The following CSMD1 variants were observed in gnomAD, a reference collection of about 807,000 sequenced individuals.
CSMD1 encodes the protein CUB and Sushi multiple domains 1.
CSMD1 carries 213 observed loss-of-function variants against 417.5 expected under a neutral mutation model. The ratio of observed to expected loss-of-function variants is 0.51; its 90% CI spans 0.46 to 0.57. The LOEUF is 0.57. Among genes scored for constraint, CSMD1 ranks in the 20% least tolerant of loss-of-function variants. CSMD1 has a pLI of 0.00. For synonymous variants in CSMD1, 2,862 were observed against 1,736.8 expected (o/e 1.65, Z -16.11); for missense variants, 6,923 against 4,529.7 (o/e 1.53, Z -15.17).
chr8:4,878,316 C>T (rs1803177709), intron 1 of CSMD1, among the ~76,000 whole-genome samples: 1 of 152,060 alleles, frequency 6.6e-6, no homozygotes, highest in Non-Finnish European at 1.5e-5. Flanking sequence ...TAGAACTCAT[C>T]TTTCTGCAGA....
chr8:4,090,006 G>C (rs1012288000), intron 3 of CSMD1, among the ~76,000 whole-genome samples: 2 of 152,140 alleles, frequency 1.3e-5, no homozygotes, highest in Non-Finnish European at 2.9e-5. Flanking sequence ...TTCTCTACTA[G>C]CCTGTTTTGT....
chr8:4,389,970 T>C (rs1179189587), intron 3 of CSMD1, among the ~76,000 whole-genome samples: 4 of 152,234 alleles, frequency 2.6e-5, no homozygotes, highest in African/African-American at 9.6e-5. Context: ...CATGATGTAC[T>C]TGCTCATCAT....
chr8:4,440,667 G>C (rs1162611102), intron 2 of CSMD1, among the ~76,000 whole-genome samples: 1 of 152,168 alleles, frequency 6.6e-6, no homozygotes, highest in South Asian at 2.1e-4. Flanking sequence ...TGTGCTGCTT[G>C]AGAATTTTAT....
intron 1 of CSMD1, among the ~76,000 whole-genome samples, chr8:4,652,773 C>T (rs1454809089): frequency 6.6e-6 from 1 of 152,118 alleles, no homozygotes; most frequent in Non-Finnish European, 1.5e-5. Context: ...TTGTGGAAGA[C>T]AATTTTTCTG....
chr8:4,855,353 G>A (rs937382155), intron 1 of CSMD1, among the ~76,000 whole-genome samples: 1 of 152,152 alleles, frequency 6.6e-6, no homozygotes, highest in Non-Finnish European at 1.5e-5. Context: ...AAAAAGCAGA[G>A]CGCCTCTCCT....
chr8:3,793,877 C>T (rs1331982532), intron 5 of CSMD1, among the ~76,000 whole-genome samples: 1 of 152,118 alleles, frequency 6.6e-6, no homozygotes, highest in Non-Finnish European at 1.5e-5. Flanking sequence ...CGCTGATGGA[C>T]CATTTGTCAA....
intron 3 of CSMD1, among the ~76,000 whole-genome samples, chr8:4,298,091 G>A (rs191466932): frequency 1.0e-3 from 156 of 152,178 alleles, no homozygotes; most frequent in African/African-American, 3.7e-3. Context: ...AAAACCCAGG[G>A]TATAAAGGAC....
chr8:3,771,542 C>G (rs534815818), intron 5 of CSMD1, among the ~76,000 whole-genome samples: 1 of 152,234 alleles, frequency 6.6e-6, no homozygotes, highest in East Asian at 1.9e-4. Flanking sequence ...GACTGGATAG[C>G]ATCACCATTG....
chr8:4,880,712 T>C (rs1454545639), intron 1 of CSMD1, among the ~76,000 whole-genome samples: 2 of 152,044 alleles, frequency 1.3e-5, no homozygotes, highest in African/African-American at 2.4e-5. Context: ...CGCATAATCA[T>C]AAATATCCCA....
intron 3 of CSMD1, among the ~76,000 whole-genome samples, chr8:4,183,582 G>A (rs1287583136): frequency 6.6e-6 from 1 of 152,058 alleles, no homozygotes; most frequent in Non-Finnish European, 1.5e-5. Context: ...TTGAACTTAA[G>A]TAAAAATTCA....
In CSMD1 at chr8:3,284,279, C is replaced by G. The variant is rs750813538; in HGVS notation, c.4018G>C (p.Asp1340His). Reference protein sequence around the residue: ...DILKVWDGPVDSDILLKEWSG... With the variant: ...DILKVWDGPVHSDILLKEWSG... Reference sequence around the variant, plus strand: ...CACTCCTTCAGCAGGATGTCACTGTCCACCGGCCCGTCCCAGACCTTGAGG... The same window carrying G: ...CACTCCTTCAGCAGGATGTCACTGTGCACCGGCCCGTCCCAGACCTTGAGG... Residue 1340 changes from aspartate (D) to histidine (H), a missense_variant, in exon 26 of 70, where the codon GAC (aspartate) becomes CAC (histidine). Transcript: ENST00000635120. 7.4e-6 allele frequency: 12 copies of G among 1,613,814 alleles called. No individual in the cohort carries two copies. The highest frequency in any genetic ancestry group is 4.4e-5 in the South Asian group (4 of 91,058).
At chr8:4,323,023 G>A (rs534259300) in intron 3 of CSMD1, among the ~76,000 whole-genome samples, 17 of 152,272 alleles carry the variant, frequency 1.1e-4, no homozygotes, top group Non-Finnish European at 2.1e-4. Flanking sequence ...ATAAAATGCA[G>A]CAGGAATCTG....
rs77156835 is a variant in CSMD1 at position 4,402,300 on chromosome 8, C to T, written c.415+17653G>A. The stretch of plus-strand genomic sequence containing the variant: ...ATTCCCCACGGTCTTTGCCCCTTCT[C>T]TCCTCTTTCCCTCCTTCAAATCTAT... On this transcript the variant is annotated intron_variant, in intron 3 of 69. Transcript: ENST00000635120. 6.3e-3 allele frequency among the ~76,000 whole-genome samples: 960 copies of T among 151,928 alleles called. 9 individuals are homozygous for T. Among genetic ancestry groups the T allele is most frequent in the South Asian group, 0.028 (134 of 4,796 alleles).
intron 2 of CSMD1, among the ~76,000 whole-genome samples, chr8:4,446,719 GTGTGTGTGTGTGTC>G (rs1585089642): frequency 1.4e-5 from 2 of 144,294 alleles, no homozygotes; most frequent in South Asian, 2.2e-4. Context: ...TGCCTGAGTT[GTGTGTGTGTGTGTC>G]TGTGTGTGTG....
At position 4,570,174 on chromosome 8, in the gene CSMD1, C is replaced by G. The variant is rs968043134; in HGVS notation, c.302+67168G>C. Among the ~76,000 whole-genome samples the G allele has an allele frequency of 2.0e-5, 3 of 152,098 alleles. No homozygotes were observed. In the East Asian group the frequency reaches 5.8e-4, roughly 29 times the overall value. ...GCCCTGGCCAGAATTTCCAACACTACGTTGAATAGCAGTGGTGAGAGAGGG... is the reference window on the plus strand; with the variant it reads ...GCCCTGGCCAGAATTTCCAACACTAGGTTGAATAGCAGTGGTGAGAGAGGG... On this transcript the variant is annotated intron_variant, in intron 2 of 69. Coordinates refer to ENST00000635120, the MANE Select transcript of CSMD1 (RefSeq NM_033225.6).
intron 39 of CSMD1, among the ~76,000 whole-genome samples, chr8:3,152,859 C>T (rs1187853585): frequency 1.3e-5 from 2 of 152,196 alleles, no homozygotes; most frequent in Admixed American, 1.3e-4. Context: ...ACCAGCAAAT[C>T]TGAGTGGCAT....
chr8:4,406,979 G>C (rs910451561), intron 3 of CSMD1, among the ~76,000 whole-genome samples: 2 of 152,178 alleles, frequency 1.3e-5, no homozygotes, highest in Non-Finnish European at 1.5e-5. Flanking sequence ...CGAGGAAAAT[G>C]TTCTAGCTTT....
At chr8:3,349,880 T>TAC (rs1808284548) in intron 21 of CSMD1, among the ~76,000 whole-genome samples, 2 of 14,344 alleles carry the variant, frequency 1.4e-4, no homozygotes, top group Non-Finnish European at 6.8e-3. Flanking sequence ...TATTTATATC[T>TAC]ATATATATAT....
At chr8:3,008,407 T>C (rs915716217) in intron 52 of CSMD1, among the ~76,000 whole-genome samples, 2 of 152,212 alleles carry the variant, frequency 1.3e-5, no homozygotes, top group African/African-American at 4.8e-5. Flanking sequence ...ACCTGCAGTT[T>C]ATAGAATTCA....
Sources: allele counts gnomAD v4.1 joint callset (sites outside exome capture counted in the v4.1 genomes callset), GRCh38; gene constraint gnomAD v4.1.1; transcripts MANE v1.5; gene names NCBI Gene and HGNC (gene_info 2026-07-23, HGNC 2026-07-21).